The following RBFOX3 variants were observed in gnomAD, a reference collection of about 807,000 sequenced individuals.
RBFOX3 encodes the protein RNA binding protein fox-1 homolog 3.
Under a neutral mutation model 48.7 loss-of-function variants are expected in RBFOX3, and 17 were observed. The observed-to-expected ratio is 0.35, with a 90% CI of 0.24 to 0.52. The LOEUF (loss-of-function observed/expected upper bound fraction) is 0.52. Ranked by LOEUF, RBFOX3 falls within the 20% of genes least tolerant of loss-of-function variation. The pLI is 0.94. For missense variants in RBFOX3, 382 were observed against 497.5 expected (o/e 0.77, Z 2.21); for synonymous variants, 212 against 209.5 (o/e 1.01, Z -0.10).
intron 4 of RBFOX3, among the ~76,000 whole-genome samples, chr17:79,189,685 T>C (rs2054083178): frequency 6.6e-6 from 1 of 152,204 alleles, no homozygotes; most frequent in African/African-American, 2.4e-5. Flanking sequence ...TGATCTTCCA[T>C]GCAGCGCCCA....
At chr17:79,128,978 G>A (rs1337690545) in intron 4 of RBFOX3, among the ~76,000 whole-genome samples, 1 of 152,144 alleles carries the variant, frequency 6.6e-6, no homozygotes, top group Non-Finnish European at 1.5e-5. Flanking sequence ...TGCCACCTGA[G>A]CCCACCTGAA....
chr17:79,486,740 A>G (rs2079663308), intron 1 of RBFOX3, among the ~76,000 whole-genome samples: 1 of 152,174 alleles, frequency 6.6e-6, no homozygotes, highest in African/African-American at 2.4e-5. Flanking sequence ...GGAGTGTCCT[A>G]CAAAGGGTGA....
chr17:79,099,017 C>T (rs909847058), intron 9 of RBFOX3: 3 of 152,274 alleles, frequency 2.0e-5, no homozygotes, highest in Admixed American at 6.5e-5. Context: ...AAGTCTTCAC[C>T]CCACCCCGCA....
intron 2 of RBFOX3, among the ~76,000 whole-genome samples, chr17:79,365,987 C>A (rs2057696329): frequency 1.3e-5 from 2 of 152,246 alleles, no homozygotes; most frequent in Admixed American, 6.5e-5. Flanking sequence ...CCTGCCACTG[C>A]ACATTTCTGA....
intron 1 of RBFOX3, among the ~76,000 whole-genome samples, chr17:79,502,842 C>T (rs1367522403): frequency 6.6e-6 from 1 of 152,206 alleles, no homozygotes; most frequent in East Asian, 1.9e-4. Context: ...TTCCAGCAGG[C>T]TTGCAAGGAG....
At chr17:79,250,562 T>C (rs1402385424) in intron 3 of RBFOX3, among the ~76,000 whole-genome samples, 7 of 152,204 alleles carry the variant, frequency 4.6e-5, no homozygotes, top group African/African-American at 1.7e-4. Flanking sequence ...CCTCACTGCT[T>C]GGCCGATACT....
At chr17:79,397,122 C>T (rs2062086317) in intron 2 of RBFOX3, among the ~76,000 whole-genome samples, 1 of 152,186 alleles carries the variant, frequency 6.6e-6, no homozygotes, top group South Asian at 2.1e-4. Flanking sequence ...CTCCCCACAG[C>T]CCCGCGGACA....
chr17:79,627,126 T>C, the RBFOX3 span, among the ~76,000 whole-genome samples: 1 of 152,352 alleles, frequency 6.6e-6, no homozygotes, highest in Non-Finnish European at 1.5e-5. Context: ...GGCTGGGGAC[T>C]GCAGGAGCCC....
In RBFOX3 at chr17:79,492,541, C is replaced by T. The variant is rs1045906711; in HGVS notation, c.-319-9943G>A. Among the ~76,000 whole-genome samples, 18 of 152,344 alleles carry T rather than the reference C, an allele frequency of 1.2e-4. No individual in the cohort carries two copies. In the South Asian group the frequency reaches 2.9e-3, roughly 25 times the overall value. ...GAGAGAGACCAGCTTACAAGCAGAT[C>T]CTCCAGCCCCAGTTGAGCCTTCCCA... On this transcript the variant is annotated intron_variant, in intron 1 of 14. Coordinates refer to ENST00000693108, the MANE Select transcript of RBFOX3 (RefSeq NM_001350451.2).
In RBFOX3 at chr17:79,204,451, G is replaced by A. The variant is rs974985063; in HGVS notation, c.-34+31315C>T. Among the ~76,000 whole-genome samples, 7 of 152,290 alleles carry A rather than the reference G, an allele frequency of 4.6e-5. No homozygotes were observed. The East Asian group carries it at 5.8e-4, about 13-fold the overall frequency. ...GCTTAATATCCTGGAAAGGACACGC[G>A]TACCAGTCCAGTGAACAGCTCCTTG... On this transcript the variant is annotated intron_variant, in intron 4 of 14. Coordinates refer to ENST00000693108, the MANE Select transcript of RBFOX3 (RefSeq NM_001350451.2). This position sits in a 1 kb window ranked among gnomAD's most constrained non-coding sequence, Gnocchi z 4.5.
chr17:79,456,853 C>G (rs2074585745), intron 2 of RBFOX3, among the ~76,000 whole-genome samples: 1 of 152,204 alleles, frequency 6.6e-6, no homozygotes, highest in South Asian at 2.1e-4. Context: ...GCCCTCTACT[C>G]TCTGTCCCCA....
chr17:79,428,586 G>A (rs1467749781), intron 2 of RBFOX3, among the ~76,000 whole-genome samples: 2 of 152,222 alleles, frequency 1.3e-5, no homozygotes, highest in East Asian at 3.9e-4. Context: ...TCCCTGAGCT[G>A]CACCCACAAA....
At chr17:79,152,690 G>A (rs2044826238) in intron 4 of RBFOX3, among the ~76,000 whole-genome samples, 1 of 152,198 alleles carries the variant, frequency 6.6e-6, no homozygotes, top group African/African-American at 2.4e-5. Flanking sequence ...CACAGCCAGC[G>A]AGAGGGCCAG....
chr17:79,648,557 G>A, the RBFOX3 span, among the ~76,000 whole-genome samples: 970 of 152,338 alleles, frequency 6.4e-3, 7 homozygotes, highest in Non-Finnish European at 0.01. Context: ...AGTACTCCAC[G>A]ATGTTAGCTG....
At chr17:79,369,997 A>G (rs1455800026) in intron 2 of RBFOX3, among the ~76,000 whole-genome samples, 1 of 152,134 alleles carries the variant, frequency 6.6e-6, no homozygotes, top group African/African-American at 2.4e-5. Flanking sequence ...CCTTCGTTAG[A>G]TGGAGTTTGG....
chr17:79,414,063 A>G (rs1054276443), intron 2 of RBFOX3, among the ~76,000 whole-genome samples: 3 of 152,106 alleles, frequency 2.0e-5, no homozygotes, highest in Admixed American at 6.5e-5. Flanking sequence ...ACTCCCCACC[A>G]GCTCGGCTGG....
chr17:79,426,015 G>A (rs558561004), intron 2 of RBFOX3, among the ~76,000 whole-genome samples: 1 of 152,250 alleles, frequency 6.6e-6, no homozygotes, highest in East Asian at 1.9e-4. Flanking sequence ...AGTGTGGAGG[G>A]GGAGAGAGCA....
Position 79,423,324 on chromosome 17 carries a change from C to T in RBFOX3, c.-175+59130G>A, listed in dbSNP as rs1003265942. Among the ~76,000 whole-genome samples, 1 of 152,174 alleles carries T rather than the reference C, an allele frequency of 6.6e-6. No homozygotes were observed. Among genetic ancestry groups the T allele is most frequent in the Non-Finnish European group, 1.5e-5 (1 of 68,024 alleles). ...CCCCCATCGACCAGGATGCCAGGAG[C>T]CAGGATGATTCTGCTTTCAATGCTT... On this transcript the variant is annotated intron_variant, in intron 2 of 14. Transcript: ENST00000693108. This position sits in a 1 kb window ranked among gnomAD's most constrained non-coding sequence, Gnocchi z 4.9.
At chr17:79,589,170 A>T (rs1035263852) in intron 1 of RBFOX3, among the ~76,000 whole-genome samples, 2 of 152,220 alleles carry the variant, frequency 1.3e-5, no homozygotes, top group African/African-American at 4.8e-5. Flanking sequence ...ATAACACAGG[A>T]CTGCACACTG....
Sources: allele counts gnomAD v4.1 joint callset (sites outside exome capture counted in the v4.1 genomes callset), GRCh38; gene constraint gnomAD v4.1.1; non-coding constraint Gnocchi (gnomAD v3.1); transcripts MANE v1.5; gene names NCBI Gene and HGNC (gene_info 2026-07-23, HGNC 2026-07-21).